Variants in PABPC4L observed in about 807,000 individuals in gnomAD.
The protein encoded by PABPC4L is poly(A) binding protein cytoplasmic 4 like, also known as polyadenylate-binding protein 4-like.
For synonymous variants in PABPC4L, 169 were observed against 164.1 expected, an observed-to-expected ratio of 1.03 and a Z score of -0.23; for missense variants, 452 against 451.4, an observed-to-expected ratio of 1.00 and a Z score of -0.01.
chr4:133,986,739 CTT>C, the PABPC4L span, among the ~76,000 whole-genome samples: 8 of 143,902 alleles, frequency 5.6e-5, no homozygotes, highest in Non-Finnish European at 7.6e-5. Context: ...AGTGAGAAGA[CTT>C]TTTTTTTTTT....
At chr4:133,989,210 T>A in the PABPC4L span, among the ~76,000 whole-genome samples, 2 of 152,192 alleles carry the variant, frequency 1.3e-5, no homozygotes, top group African/African-American at 4.8e-5. Context: ...TGAATAACAT[T>A]CGACTCCTCA....
chr4:134,121,484 T>G, the PABPC4L span, among the ~76,000 whole-genome samples: 1 of 151,628 alleles, frequency 6.6e-6, no homozygotes, highest in Non-Finnish European at 1.5e-5. Flanking sequence ...TCCAAACAGA[T>G]TGAGATGGTT....
the PABPC4L span, among the ~76,000 whole-genome samples, chr4:134,069,253 A>AT: frequency 4.6e-5 from 7 of 151,596 alleles, no homozygotes; most frequent in African/African-American, 1.7e-4. Context: ...TTATTTTAAC[A>AT]TTTTTTCTTT....
chr4:134,040,423 C>T, the PABPC4L span, among the ~76,000 whole-genome samples: 5 of 152,024 alleles, frequency 3.3e-5, no homozygotes, highest in East Asian at 9.6e-4. Context: ...AATAACACCA[C>T]ACATCTACAA....
At chr4:134,143,071 C>A in the PABPC4L span, among the ~76,000 whole-genome samples, 1 of 151,344 alleles carries the variant, frequency 6.6e-6, no homozygotes, top group Non-Finnish European at 1.5e-5. Context: ...ATACTACAAA[C>A]CTCCTGGTAT....
At chr4:133,960,567 G>C in the PABPC4L span, among the ~76,000 whole-genome samples, 1 of 152,278 alleles carries the variant, frequency 6.6e-6, no homozygotes, top group South Asian at 2.1e-4. Context: ...GAAGCCTCCT[G>C]GTCAGAACTC....
At chr4:134,194,224 G>A (rs889928108), downstream of PABPC4L, among the ~76,000 whole-genome samples, 3 of 151,814 alleles carry the variant, frequency 2.0e-5, no homozygotes, top group Admixed American at 2.0e-4. Context: ...GGAGTACTGA[G>A]AGTTCAAAAG....
the PABPC4L span, among the ~76,000 whole-genome samples, chr4:133,975,830 A>T: frequency 6.6e-6 from 1 of 152,180 alleles, no homozygotes; most frequent in African/African-American, 2.4e-5. Flanking sequence ...GAATTTTCAC[A>T]TCACTTTCTT....
the PABPC4L span, among the ~76,000 whole-genome samples, chr4:133,961,145 C>T: frequency 6.6e-6 from 1 of 152,138 alleles, no homozygotes; most frequent in African/African-American, 2.4e-5. Context: ...GCTAAGAACC[C>T]TCACAAAGTC....
At chr4:134,005,365 CTTT>C in the PABPC4L span, among the ~76,000 whole-genome samples, 1 of 151,702 alleles carries the variant, frequency 6.6e-6, no homozygotes, top group Non-Finnish European at 1.5e-5. Flanking sequence ...GTATTTTTAT[CTTT>C]TATTAGTACA....
the PABPC4L span, among the ~76,000 whole-genome samples, chr4:134,179,843 C>A: frequency 0.21 from 31,873 of 152,030 alleles, 4,138 homozygotes; most frequent in Non-Finnish European, 0.27. Flanking sequence ...CTTAACTATC[C>A]TGCACATATA....
the PABPC4L span, among the ~76,000 whole-genome samples, chr4:134,112,866 T>C: frequency 6.6e-6 from 1 of 151,882 alleles, no homozygotes; most frequent in Non-Finnish European, 1.5e-5. Flanking sequence ...GAAGAAGGCA[T>C]TGTCATAGGA....
the PABPC4L span, among the ~76,000 whole-genome samples, chr4:134,105,043 A>T: frequency 2.0e-5 from 3 of 151,776 alleles, no homozygotes; most frequent in Admixed American, 2.0e-4. Flanking sequence ...AAAACCACTA[A>T]GGTATAAAGT....
At chr4:134,025,557 G>A in the PABPC4L span, among the ~76,000 whole-genome samples, 5 of 152,034 alleles carry the variant, frequency 3.3e-5, no homozygotes, top group African/African-American at 9.7e-5. Context: ...ATAAGAGCAT[G>A]AGCAAAATTA....
chr4:134,094,792 A>C, the PABPC4L span, among the ~76,000 whole-genome samples: 1 of 151,698 alleles, frequency 6.6e-6, no homozygotes, highest in East Asian at 1.9e-4. Flanking sequence ...ATTCTGAAAT[A>C]GTATTCAAGA....
At chr4:134,061,639 AGAGAGAGAG>A in the PABPC4L span, among the ~76,000 whole-genome samples, 5 of 101,124 alleles carry the variant, frequency 4.9e-5, no homozygotes, top group East Asian at 4.1e-4. Flanking sequence ...AGAGAGAGAG[AGAGAGAGAG>A]AGAGAGAGAG....
At chr4:134,177,800 T>C in the PABPC4L span, among the ~76,000 whole-genome samples, 2 of 152,024 alleles carry the variant, frequency 1.3e-5, no homozygotes, top group Non-Finnish European at 2.9e-5. Flanking sequence ...GTGCTCCTGG[T>C]TCTGCATGAA....
At chr4:134,128,264 TGG>T in the PABPC4L span, among the ~76,000 whole-genome samples, 1 of 152,314 alleles carries the variant, frequency 6.6e-6, no homozygotes, top group African/African-American at 2.4e-5. Context: ...AAGCCTTCCC[TGG>T]CCTTGCTAGA....
At chr4:134,014,570 C>T in the PABPC4L span, among the ~76,000 whole-genome samples, 3 of 152,142 alleles carry the variant, frequency 2.0e-5, no homozygotes, top group African/African-American at 7.2e-5. Flanking sequence ...GGCAGCCACT[C>T]CCAGAGCCCC....
Sources: allele counts gnomAD v4.1 joint callset (sites outside exome capture counted in the v4.1 genomes callset), GRCh38; gene constraint gnomAD v4.1.1; transcripts MANE v1.5; gene names NCBI Gene and HGNC (gene_info 2026-07-23, HGNC 2026-07-21).